PDK1: variants seen among roughly 807,000 people sequenced by gnomAD.
PDK1 encodes pyruvate dehydrogenase kinase 1.
PDK1 carries 39 observed loss-of-function variants against 54.2 expected under a neutral mutation model. That is an observed-to-expected ratio of 0.72 (90% confidence interval 0.56 to 0.94). The LOEUF is 0.94. Ranked by LOEUF, PDK1 falls within the 40% of genes least tolerant of loss-of-function variation. The probability of loss-of-function intolerance (pLI) is 0.00; values close to 1 mark genes in which losing one functional copy is unlikely to be tolerated. For missense variants in PDK1, 552 were observed against 566.0 expected (o/e 0.98, Z 0.25); for synonymous variants, 221 against 207.1 (o/e 1.07, Z -0.58).
At chr2:172,695,702 A>C in the PDK1 span, among the ~76,000 whole-genome samples, 1 of 152,118 alleles carries the variant, frequency 6.6e-6, no homozygotes, top group African/African-American at 2.4e-5. Flanking sequence ...TGGCTTGATG[A>C]ATTGCTTATG....
chr2:172,720,264 G>A, the PDK1 span, among the ~76,000 whole-genome samples: 1,092 of 152,040 alleles, frequency 7.2e-3, 8 homozygotes, highest in African/African-American at 0.025. Context: ...ACAGGCATGC[G>A]CCACCAAACT....
chr2:172,685,969 A>C, the PDK1 span, among the ~76,000 whole-genome samples: 2 of 152,230 alleles, frequency 1.3e-5, no homozygotes, highest in Non-Finnish European at 2.9e-5. Flanking sequence ...GCTCCTGAGA[A>C]ATCAACCTCA....
the PDK1 span, among the ~76,000 whole-genome samples, chr2:172,641,696 G>A: frequency 2.0e-5 from 3 of 151,996 alleles, no homozygotes; most frequent in Non-Finnish European, 2.9e-5. Context: ...TGCCTGCCTC[G>A]GCCTTCTAAA....
At chr2:172,675,856 G>A in the PDK1 span, among the ~76,000 whole-genome samples, 1 of 152,154 alleles carries the variant, frequency 6.6e-6, no homozygotes, top group East Asian at 1.9e-4. Flanking sequence ...GAAGCCAATG[G>A]CTTCAAGGCT....
chr2:172,638,159 CAAGA>C, the PDK1 span, among the ~76,000 whole-genome samples: 2 of 152,090 alleles, frequency 1.3e-5, no homozygotes, highest in Non-Finnish European at 2.9e-5. Flanking sequence ...AGTATGGGCC[CAAGA>C]AAGAAACACC....
rs1024010170 is a variant in PDK1 at position 172,559,686 on chromosome 2, T to G, written c.338+837T>G. Among the ~76,000 whole-genome samples the G allele has an allele frequency of 5.3e-5, 8 of 152,078 alleles. 1 individual carries two copies. Among genetic ancestry groups the G allele is most frequent in the African/African-American group, 9.7e-5 (4 of 41,402 alleles). On this transcript the variant is annotated intron_variant, in intron 2 of 10. Coordinates refer to ENST00000282077, the MANE Select transcript of PDK1 (RefSeq NM_002610.5). ...CCTCAGCCTCCAGAGTAGCTGGGATTACAGGCACCTGCCACCATGCCTGGC... is the reference window on the plus strand; with the variant it reads ...CCTCAGCCTCCAGAGTAGCTGGGATGACAGGCACCTGCCACCATGCCTGGC...
chr2:172,699,088 G>A, the PDK1 span, among the ~76,000 whole-genome samples: 1 of 152,162 alleles, frequency 6.6e-6, no homozygotes, highest in Non-Finnish European at 1.5e-5. Flanking sequence ...TATGTCTCAT[G>A]TCCCCAGAAT....
chr2:172,615,145 G>A, the PDK1 span, among the ~76,000 whole-genome samples: 6 of 152,332 alleles, frequency 3.9e-5, no homozygotes, highest in Non-Finnish European at 8.8e-5. Context: ...ACAGCAGGCC[G>A]AGTAGACAGG....
At chr2:172,568,327 CAAAAA>C (rs11400625) in intron 6 of PDK1, among the ~76,000 whole-genome samples, 2 of 57,114 alleles carry the variant, frequency 3.5e-5, no homozygotes, top group East Asian at 5.1e-4. Flanking sequence ...GACTCCGTCT[CAAAAA>C]AAAAAAAAAA....
the PDK1 span, among the ~76,000 whole-genome samples, chr2:172,712,639 G>A: frequency 5.9e-5 from 9 of 152,194 alleles, no homozygotes; most frequent in Non-Finnish European, 1.2e-4. Context: ...GGAATGCAGT[G>A]GCACCTGAAG....
At chr2:172,676,582 A>G in the PDK1 span, among the ~76,000 whole-genome samples, 1 of 152,246 alleles carries the variant, frequency 6.6e-6, no homozygotes. Context: ...ATAAAACTTG[A>G]ACAGATGGGG....
Position 172,602,062 on chromosome 2 carries a change from G to C in PDK1, c.*6093G>C, listed in dbSNP as rs1380387987. 1 of 152,142 alleles carries C rather than the reference G, an allele frequency of 6.6e-6. No individual in the cohort carries two copies. Among genetic ancestry groups the C allele is most frequent in the Non-Finnish European group, 1.5e-5 (1 of 68,020 alleles). The allele number at this position is 152,142 out of a possible 1,614,324, so 9.4% of individuals were successfully genotyped here. A position where few individuals can be genotyped will look rare whatever the true frequency, so the allele number is the denominator to read the frequency against. On this transcript the variant is annotated 3_prime_UTR_variant, in exon 11 of 11. Transcript: ENST00000282077. ...CGCCAAAAGACAATTTTTGAAAGATGAATGTTACCAAAACATCAAGAAACT... is the reference window on the plus strand; with the variant it reads ...CGCCAAAAGACAATTTTTGAAAGATCAATGTTACCAAAACATCAAGAAACT...
the PDK1 span, among the ~76,000 whole-genome samples, chr2:172,712,733 G>A: frequency 3.3e-5 from 5 of 152,212 alleles, no homozygotes; most frequent in South Asian, 4.1e-4. Context: ...GCTTCCCAAA[G>A]AGCTGCAGCT....
intron 8 of PDK1, among the ~76,000 whole-genome samples, chr2:172,579,525 C>CTTTTTT (rs10660737): frequency 5.7e-5 from 7 of 122,548 alleles, no homozygotes; most frequent in East Asian, 2.5e-4. Context: ...CCCGCTCTTT[C>CTTTTTT]TTTTTTTTTT....
the PDK1 span, among the ~76,000 whole-genome samples, chr2:172,694,982 G>T: frequency 6.6e-6 from 1 of 152,120 alleles, no homozygotes; most frequent in Non-Finnish European, 1.5e-5. Flanking sequence ...GCCGGGCATT[G>T]TGGTGTGCAT....
chr2:172,588,006 A>T (rs1690356298), intron 9 of PDK1, among the ~76,000 whole-genome samples: 1 of 152,136 alleles, frequency 6.6e-6, no homozygotes, highest in Non-Finnish European at 1.5e-5. Flanking sequence ...TCCCCACCCG[A>T]CCCAGAAGCC....
the PDK1 span, among the ~76,000 whole-genome samples, chr2:172,700,191 T>G: frequency 6.6e-6 from 1 of 152,258 alleles, no homozygotes; most frequent in East Asian, 1.9e-4. Flanking sequence ...CCATCTCTCT[T>G]TCTTTTCCCC....
At chr2:172,569,208 A>G (rs1327304779) in intron 7 of PDK1, among the ~76,000 whole-genome samples, 1 of 152,218 alleles carries the variant, frequency 6.6e-6, no homozygotes, top group Non-Finnish European at 1.5e-5. Context: ...GGTGCTCAAT[A>G]GAGTTATCTT....
intron 10 of PDK1, 58 bp from the exon 11 acceptor site, chr2:172,595,771 C>A: frequency 6.7e-7 from 1 of 1,485,222 alleles, no homozygotes; most frequent in Non-Finnish European, 9.3e-7. Context: ...TCTATTTTCT[C>A]AAATAATGAA....
Sources: gnomAD v4.1 joint callset for allele counts (sites outside exome capture counted in the v4.1 genomes callset) on GRCh38, gnomAD v4.1.1 for gene constraint, MANE v1.5 for transcripts, NCBI Gene and HGNC (gene_info 2026-07-23, HGNC 2026-07-21) for gene names.